The following EEFSEC variants were observed in gnomAD, a reference collection of about 807,000 sequenced individuals.
EEFSEC encodes selenocysteine-specific elongation factor.
Under a neutral mutation model 42.1 loss-of-function variants are expected in EEFSEC, and 43 were observed. That is an observed-to-expected ratio of 1.02 (90% CI 0.80 to 1.32). The LOEUF (loss-of-function observed/expected upper bound fraction) is 1.32, where lower values mean the gene tolerates loss of function less well. Among genes scored for constraint, EEFSEC ranks in the 40% most tolerant of loss-of-function variants. The pLI, the probability that EEFSEC is intolerant of heterozygous loss-of-function variation, is 0.00. For missense variants in EEFSEC, 745 were observed against 803.6 expected, an observed-to-expected ratio of 0.93 and a Z score of 0.88; for synonymous variants, 354 against 339.1, an observed-to-expected ratio of 1.04 and a Z score of -0.48.
intron 1 of EEFSEC, among the ~76,000 whole-genome samples, chr3:128,231,131 T>C (rs1316820671): frequency 6.6e-6 from 1 of 151,694 alleles, no homozygotes; most frequent in African/African-American, 2.4e-5. Flanking sequence ...TAGTGAGCCC[T>C]CATTGTGGAC....
the EEFSEC span, among the ~76,000 whole-genome samples, chr3:128,420,717 G>C: frequency 6.6e-6 from 1 of 152,220 alleles, no homozygotes; most frequent in Non-Finnish European, 1.5e-5. Context: ...TACCGGAGGG[G>C]AGAAGTGGGG....
At chr3:128,341,988 A>C in intron 5 of EEFSEC, 99 bp downstream of exon 5, 1 of 1,461,468 alleles carries the variant, frequency 6.8e-7, no homozygotes, top group Non-Finnish European at 9.1e-7. Flanking sequence ...AAAGGCCCTC[A>C]GAGACCTTCT....
intron 1 of EEFSEC, among the ~76,000 whole-genome samples, chr3:128,238,469 C>T (rs895803972): frequency 6.6e-6 from 1 of 152,180 alleles, no homozygotes; most frequent in African/African-American, 2.4e-5. Flanking sequence ...ATGTGAAGTC[C>T]TTGGCTCCAA....
At chr3:128,353,906 G>C (rs868373888) in intron 5 of EEFSEC, among the ~76,000 whole-genome samples, 1 of 152,188 alleles carries the variant, frequency 6.6e-6, no homozygotes, top group Non-Finnish European at 1.5e-5. Flanking sequence ...GGACACTGCC[G>C]CTCACCTGCT....
At chr3:128,187,502 T>C (rs950564284) in intron 1 of EEFSEC, among the ~76,000 whole-genome samples, 2 of 152,242 alleles carry the variant, frequency 1.3e-5, no homozygotes, top group African/African-American at 4.8e-5. Context: ...AAAAAAATTC[T>C]TCATCAATGA....
intron 4 of EEFSEC, among the ~76,000 whole-genome samples, chr3:128,272,602 G>A (rs747856829): frequency 2.0e-5 from 3 of 152,192 alleles, no homozygotes; most frequent in Admixed American, 2.0e-4. Context: ...CACGGTTCCA[G>A]TCAGGGCTAT....
intron 4 of EEFSEC, among the ~76,000 whole-genome samples, chr3:128,301,295 T>G (rs953008479): frequency 2.0e-5 from 3 of 152,154 alleles, no homozygotes; most frequent in Non-Finnish European, 2.9e-5. Flanking sequence ...GCACGCTTGT[T>G]CCAGCTCTTC....
chr3:128,184,849 A>G (rs1056120086), intron 1 of EEFSEC, among the ~76,000 whole-genome samples: 1 of 152,128 alleles, frequency 6.6e-6, no homozygotes, highest in African/African-American at 2.4e-5. Context: ...CAGTGATTGT[A>G]TTTTGCACCT....
chr3:128,226,788 A>G (rs986964159), intron 1 of EEFSEC, among the ~76,000 whole-genome samples: 11 of 152,248 alleles, frequency 7.2e-5, no homozygotes, highest in African/African-American at 2.7e-4. Context: ...AGGGACAGCC[A>G]TACAGAATGT....
chr3:128,243,838 G>A (rs1232752958), intron 1 of EEFSEC, among the ~76,000 whole-genome samples: 1 of 152,176 alleles, frequency 6.6e-6, no homozygotes, highest in Non-Finnish European at 1.5e-5. Flanking sequence ...GTGTGGCGTG[G>A]GAGTTAAGAA....
intron 2 of EEFSEC, among the ~76,000 whole-genome samples, chr3:128,249,548 A>AC (rs1240506942): frequency 6.6e-6 from 1 of 151,854 alleles, no homozygotes; most frequent in Non-Finnish European, 1.5e-5. Context: ...CTTTTTCATG[A>AC]CCCCCAACAT....
At chr3:128,222,705 C>G (rs1261458570) in intron 1 of EEFSEC, among the ~76,000 whole-genome samples, 1 of 152,192 alleles carries the variant, frequency 6.6e-6, no homozygotes, top group Non-Finnish European at 1.5e-5. Flanking sequence ...TCAGATTATT[C>G]TTTAGAGCAG....
intron 4 of EEFSEC, among the ~76,000 whole-genome samples, chr3:128,277,484 G>A (rs372242805): frequency 2.0e-5 from 3 of 152,176 alleles, no homozygotes; most frequent in Non-Finnish European, 4.4e-5. Flanking sequence ...TTTTGTGTGC[G>A]TGTTTTAAAA....
At chr3:128,291,458 C>T (rs1021391555) in intron 4 of EEFSEC, among the ~76,000 whole-genome samples, 9 of 152,204 alleles carry the variant, frequency 5.9e-5, no homozygotes, top group Non-Finnish European at 1.3e-4. Context: ...CCACTTGAAG[C>T]CTTCTGCTAG....
chr3:128,389,164 G>C (rs367738212), intron 6 of EEFSEC, among the ~76,000 whole-genome samples: 3 of 152,330 alleles, frequency 2.0e-5, no homozygotes, highest in African/African-American at 7.2e-5. Flanking sequence ...GTGCTGCAGC[G>C]AGGCATCTTA....
downstream of EEFSEC, among the ~76,000 whole-genome samples, chr3:128,410,783 G>A (rs1440041137): frequency 2.0e-5 from 3 of 152,154 alleles, no homozygotes; most frequent in Non-Finnish European, 4.4e-5. Context: ...CTCAGGAAGT[G>A]ACACCAGCCC....
At chr3:128,286,260 A>G (rs566561184) in intron 4 of EEFSEC, among the ~76,000 whole-genome samples, 75 of 152,282 alleles carry the variant, frequency 4.9e-4, no homozygotes, top group South Asian at 1.2e-3. Flanking sequence ...TGGCACACAT[A>G]CTGGTCATCT....
chr3:128,419,084 G>T, the EEFSEC span, among the ~76,000 whole-genome samples: 256 of 152,320 alleles, frequency 1.7e-3, no homozygotes, highest in African/African-American at 5.6e-3. Flanking sequence ...AAGAGTGAGG[G>T]CAGTGGGAAT....
intron 6 of EEFSEC, among the ~76,000 whole-genome samples, chr3:128,376,923 G>A (rs1355231659): frequency 1.3e-5 from 2 of 152,046 alleles, no homozygotes; most frequent in South Asian, 2.1e-4. Context: ...TGTCACCTGG[G>A]GGAAGAAGGC....
Sources: allele counts gnomAD v4.1 joint callset (sites outside exome capture counted in the v4.1 genomes callset), GRCh38; gene constraint gnomAD v4.1.1; transcripts MANE v1.5; gene names NCBI Gene and HGNC (gene_info 2026-07-23, HGNC 2026-07-21).